The following EPHA4 variants were observed in gnomAD, a reference collection of about 807,000 sequenced individuals.
EPHA4 encodes ephrin type-A receptor 4.
EPHA4 carries 19 observed loss-of-function variants against 108.3 expected under a neutral mutation model. That is an observed-to-expected ratio of 0.18 (90% confidence interval 0.12 to 0.26). The LOEUF is 0.26. Ranked by LOEUF, EPHA4 falls within the 10% of genes least tolerant of loss-of-function variation. The probability of loss-of-function intolerance (pLI) is 1.00; values close to 1 mark genes in which losing one functional copy is unlikely to be tolerated. For synonymous variants in EPHA4, 449 were observed against 455.5 expected, an observed-to-expected ratio of 0.99 and a Z score of 0.18; for missense variants, 917 against 1,254.0, an observed-to-expected ratio of 0.73 and a Z score of 4.06.
chr2:221,443,134 TTA>T (rs1690481502), intron 10 of EPHA4, 120 bp from the exon 11 acceptor site: 2 of 1,038,716 alleles, frequency 1.9e-6, no homozygotes, highest in Non-Finnish European at 2.8e-6. Flanking sequence ...TTTGCATAGA[TTA>T]TTTCACAAAA....
At chr2:221,480,573 A>G (rs1330031749) in intron 5 of EPHA4, among the ~76,000 whole-genome samples, 5 of 152,220 alleles carry the variant, frequency 3.3e-5, no homozygotes, top group Non-Finnish European at 7.3e-5. Flanking sequence ...CAGAGTACTC[A>G]TGTTTCTATC....
At chr2:221,570,555 G>A (rs1322267429) in intron 1 of EPHA4, among the ~76,000 whole-genome samples, 1 of 152,162 alleles carries the variant, frequency 6.6e-6, no homozygotes, top group East Asian at 1.9e-4. Context: ...CAGAGGGCGA[G>A]AGAGGGCCCC....
At chr2:221,557,339 T>A (rs761360831) in intron 3 of EPHA4, among the ~76,000 whole-genome samples, 38 of 152,352 alleles carry the variant, frequency 2.5e-4, no homozygotes, top group Non-Finnish European at 4.4e-4. Context: ...ATGGTTTCTT[T>A]GTTGGATTGA....
At chr2:221,462,349 G>A (rs183258096) in intron 5 of EPHA4, among the ~76,000 whole-genome samples, 407 of 151,662 alleles carry the variant, frequency 2.7e-3, no homozygotes, top group Middle Eastern at 0.021. Context: ...AATTTTCCTG[G>A]TCTAAGGTGC....
At chr2:221,430,855 A>T (rs1690053776) in intron 14 of EPHA4, among the ~76,000 whole-genome samples, 4 of 152,172 alleles carry the variant, frequency 2.6e-5, no homozygotes, top group African/African-American at 9.7e-5. Context: ...TTTAAAGGAG[A>T]CCCTCGCACA....
chr2:221,450,256 A>T (rs1374831356), intron 8 of EPHA4, among the ~76,000 whole-genome samples: 1 of 152,226 alleles, frequency 6.6e-6, no homozygotes, highest in East Asian at 1.9e-4. Context: ...TAAAAATACA[A>T]AAATTAACCA....
chr2:221,502,550 T>C (rs1692515600), intron 3 of EPHA4: 1 of 471,212 alleles, frequency 2.1e-6, no homozygotes. Context: ...TAGAAAGAGA[T>C]CCATGAAACT....
chr2:221,553,084 A>G (rs1236013459), intron 3 of EPHA4, among the ~76,000 whole-genome samples: 1 of 152,208 alleles, frequency 6.6e-6, no homozygotes, highest in Non-Finnish European at 1.5e-5. Flanking sequence ...TTATAAAAGT[A>G]TCTTTGTTTA....
At chr2:221,448,831 A>G (rs191539383) in intron 8 of EPHA4, among the ~76,000 whole-genome samples, 84 of 152,346 alleles carry the variant, frequency 5.5e-4, no homozygotes, top group African/African-American at 2.0e-3. Flanking sequence ...GTACCAACTT[A>G]AAATTGTCAA....
At chr2:221,570,436 G>A (rs1574669688) in intron 1 of EPHA4, among the ~76,000 whole-genome samples, 1 of 152,156 alleles carries the variant, frequency 6.6e-6, no homozygotes, top group Admixed American at 6.5e-5. Flanking sequence ...GAGAACGCGG[G>A]ATCCACGATT....
intron 3 of EPHA4, among the ~76,000 whole-genome samples, chr2:221,560,546 G>A (rs1254978347): frequency 6.6e-6 from 1 of 152,172 alleles, no homozygotes; most frequent in African/African-American, 2.4e-5. Flanking sequence ...GGAGTGGTCA[G>A]GGGATGGATT....
intron 3 of EPHA4, among the ~76,000 whole-genome samples, chr2:221,555,763 A>T (rs1471272590): frequency 2.6e-5 from 4 of 152,206 alleles, no homozygotes; most frequent in African/African-American, 9.7e-5. Flanking sequence ...GAGCACAGTA[A>T]AACTAAAGGG....
upstream of EPHA4, chr2:221,573,207 G>A (rs1293324642): frequency 6.6e-6 from 1 of 152,286 alleles, no homozygotes; most frequent in Non-Finnish European, 1.5e-5. This position sits in a 1 kb window ranked among gnomAD's most constrained non-coding sequence, Gnocchi z 4.5. Flanking sequence ...TGGGTGCGGG[G>A]ACTTGCAGCC....
chr2:221,470,644 T>TCTGCTTTTCCCTAAAGTATCAC (rs1691454745), intron 5 of EPHA4, among the ~76,000 whole-genome samples: 6 of 151,558 alleles, frequency 4.0e-5, no homozygotes, highest in African/African-American at 9.7e-5. Context: ...TTAGGGAACC[T>TCTGCTTTTCCCTAAAGTATCAC]TTTTTATAAA....
chr2:221,538,190 T>C (rs1359423181), intron 3 of EPHA4, among the ~76,000 whole-genome samples: 1 of 152,184 alleles, frequency 6.6e-6, no homozygotes, highest in Non-Finnish European at 1.5e-5. Context: ...AGGACACAAA[T>C]GAAAATCTCC....
chr2:221,569,002 A>G (rs1272450422), intron 1 of EPHA4, among the ~76,000 whole-genome samples: 2 of 152,200 alleles, frequency 1.3e-5, no homozygotes, highest in East Asian at 1.9e-4. Flanking sequence ...CTTGCTTAAC[A>G]TTTAAAATTC....
rs768964879 is a variant in EPHA4 at position 221,455,601 on chromosome 2, G to A, written c.1661C>T (p.Ser554Leu). ...AATTACCACCAGCACCACACTGCCC[G>A]AGACAGAGACCAGAAGGACTGTGGA... ...ANSTVLLVSV[S>L]GSVVLVVILI... Residue 554 changes from serine (S) to leucine (L), a missense_variant, in exon 8 of 18, where the codon TCG becomes TTG. By Grantham distance (145) the Ser-to-Leu change is moderately radical. Coordinates refer to ENST00000281821, the MANE Select transcript of EPHA4 (RefSeq NM_004438.5). 152 of 1,613,830 alleles carry A rather than the reference G, an allele frequency of 9.4e-5. 1 individual carries two copies. The highest frequency in any genetic ancestry group is 1.3e-4 in the Admixed American group (8 of 59,984).
chr2:221,481,118 G>A (rs1222921538), intron 5 of EPHA4, among the ~76,000 whole-genome samples: 1 of 152,176 alleles, frequency 6.6e-6, no homozygotes, highest in African/African-American at 2.4e-5. Context: ...TCCTGGAGGG[G>A]TGGTAACTTT....
rs144676444 is a variant in EPHA4 at position 221,533,725 on chromosome 2, C to CA, written c.823+30005dup. Among the ~76,000 whole-genome samples the CA allele has an allele frequency of 8.5e-3, 537 of 63,506 alleles. 25 individuals carry two copies. Among genetic ancestry groups the CA allele is most frequent in the African/African-American group, 0.015 (246 of 16,038 alleles). 41.7% of individuals were successfully genotyped at this position (63,506 alleles called of 152,430 possible). ...TGACTGTTAATTTTGTGACTAGTGT[C>CA]AAAAAAAAAAAAAAAAAAAAAAAAA... is the stretch of plus-strand genomic sequence containing the variant. On this transcript the variant is annotated intron_variant, in intron 3 of 17. Transcript: ENST00000281821.
Sources: gnomAD v4.1 joint callset for allele counts (sites outside exome capture counted in the v4.1 genomes callset) on GRCh38, gnomAD v4.1.1 for gene constraint, Gnocchi (gnomAD v3.1) non-coding constraint, MANE v1.5 for transcripts, NCBI Gene and HGNC (gene_info 2026-07-23, HGNC 2026-07-21) for gene names.